SENP6: variants seen among roughly 807,000 people sequenced by gnomAD.
SENP6 encodes the protein sentrin-specific protease 6.
In SENP6, 41 loss-of-function variants were observed where a neutral mutation model predicts 134.5. The observed-to-expected ratio is 0.30, with a 90% confidence interval of 0.24 to 0.40. SENP6 has a LOEUF of 0.40. Ranked by LOEUF, SENP6 falls within the 10% of genes least tolerant of loss-of-function variation. The pLI, the probability that SENP6 is intolerant of heterozygous loss-of-function variation, is 1.00. For missense variants in SENP6, 1,248 were observed against 1,312.5 expected, an observed-to-expected ratio of 0.95 and a Z score of 0.76; for synonymous variants, 395 against 429.8, an observed-to-expected ratio of 0.92 and a Z score of 1.00.
rs568956266 is a variant in SENP6, at chr6:75,602,551, C to G, written c.27C>G (p.Ser9Arg). The G allele has an allele frequency of 3.2e-6, 5 of 1,551,486 alleles. No individual in the cohort carries two copies. The highest frequency in any genetic ancestry group is 1.2e-5 in the South Asian group (1 of 84,052). MAAGKSGG[S>R]AGEITFLEAL... The stretch of plus-strand genomic sequence containing the variant: ...TGGCGGCCGGCAAGAGCGGCGGTAG[C>G]GCAGGGGAGATTACTTTTCTGGAAG... The change falls in exon 1 of 24, where the codon AGC becomes AGG. Residue 9 changes from serine to arginine, a missense_variant. Physicochemically the swap from Ser to Arg is moderately radical, Grantham distance 110. Transcript: ENST00000447266.
At chr6:75,685,947 CCTT>C (rs912789836) in intron 16 of SENP6, among the ~76,000 whole-genome samples, 55 of 152,182 alleles carry the variant, frequency 3.6e-4, no homozygotes, top group Admixed American at 2.0e-3. Flanking sequence ...TCCTGGGTAT[CCTT>C]CTTCACTTTC....
chr6:75,615,170 G>A (rs1561966192), intron 1 of SENP6, among the ~76,000 whole-genome samples: 1 of 149,648 alleles, frequency 6.7e-6, no homozygotes, highest in Admixed American at 6.7e-5. Flanking sequence ...GGATTATCTC[G>A]CCTATCCTGC....
At chr6:75,634,987 A>T (rs1381281931) in intron 5 of SENP6, 176 bp downstream of exon 5, 1 of 671,968 alleles carries the variant, frequency 1.5e-6, no homozygotes, top group African/African-American at 1.8e-5. Context: ...TCTGCTTTTG[A>T]GTAATCAGAT....
At chr6:75,624,077 G>C in intron 3 of SENP6, 117 bp downstream of exon 3, 1 of 684,156 alleles carries the variant, frequency 1.5e-6, no homozygotes, top group African/African-American at 1.8e-5. Context: ...CCACTCCAGA[G>C]GCAAATGGTG....
At chr6:75,709,769 A>C in intron 20 of SENP6, 139 bp downstream of exon 20, 1 of 500,368 alleles carries the variant, frequency 2.0e-6, no homozygotes, top group Admixed American at 3.3e-5. Flanking sequence ...TAGGAGTTTG[A>C]GTTCAGCCTG....
intron 19 of SENP6, among the ~76,000 whole-genome samples, chr6:75,706,565 T>C (rs1442276518): frequency 6.6e-6 from 1 of 152,208 alleles, no homozygotes; most frequent in Non-Finnish European, 1.5e-5. Context: ...GCCTCAAAAA[T>C]CCTAATGGAG....
chr6:75,683,569 T>C (rs9352236), intron 16 of SENP6, among the ~76,000 whole-genome samples: 29,767 of 152,122 alleles, frequency 0.2, 3,364 homozygotes, highest in African/African-American at 0.31. Flanking sequence ...GAATTAGTTT[T>C]TGTATAAGGT....
At chr6:75,629,123 T>C (rs768360273) in intron 3 of SENP6, among the ~76,000 whole-genome samples, 2 of 152,212 alleles carry the variant, frequency 1.3e-5, no homozygotes, top group Non-Finnish European at 2.9e-5. Flanking sequence ...GTACTGGCCT[T>C]CCAGATTTTG....
chr6:75,626,315 T>C (rs886196317), intron 3 of SENP6, among the ~76,000 whole-genome samples: 3 of 151,798 alleles, frequency 2.0e-5, no homozygotes, highest in African/African-American at 7.3e-5. Context: ...GTGACTTGTT[T>C]TAAAAATTAT....
chr6:75,637,202 A>AG (rs1465122866), intron 5 of SENP6, among the ~76,000 whole-genome samples: 4 of 152,142 alleles, frequency 2.6e-5, no homozygotes, highest in Non-Finnish European at 5.9e-5. Context: ...TGAAATGAAA[A>AG]CAAAAGCCAT....
chr6:75,648,503 A>G (rs892943716), intron 7 of SENP6, among the ~76,000 whole-genome samples: 25 of 152,144 alleles, frequency 1.6e-4, no homozygotes, highest in African/African-American at 5.5e-4. Context: ...ATGTGCTTTT[A>G]AAAAACACCC....
chr6:75,670,619 G>A lies in SENP6; in HGVS notation c.1291G>A (p.Ala431Thr). ...RKVFSQEPPD[A>T]LALSCQSSFD... ...AGTGTTTTCTCAAGAACCTCCAGAT[G>A]CTTTAGCTTTAAGCTGCCAAAGTTC... is the stretch of plus-strand genomic sequence containing the variant. Residue 431 changes from alanine (A) to threonine (T), a missense_variant, in exon 11 of 24, where the codon GCT becomes ACT. Physicochemically the swap from Ala to Thr is moderately conservative, Grantham distance 58. Coordinates refer to ENST00000447266, the MANE Select transcript of SENP6 (RefSeq NM_015571.4). The A allele has an allele frequency of 6.2e-7, 1 of 1,613,482 alleles. No homozygotes were observed. Among genetic ancestry groups the A allele is most frequent in the Non-Finnish European group, 8.5e-7 (1 of 1,179,654 alleles).
At chr6:75,610,071 A>C (rs750808921) in intron 1 of SENP6, among the ~76,000 whole-genome samples, 40 of 152,308 alleles carry the variant, frequency 2.6e-4, no homozygotes, top group Non-Finnish European at 4.6e-4. Context: ...TAGAAGTGTG[A>C]GTCACCGCAC....
rs1322486989 is a variant in SENP6 at position 75,678,666 on chromosome 6, C to T, written c.1932C>T (p.His644=). 1.9e-6 allele frequency: 3 copies of T among 1,598,858 alleles called. No homozygotes were observed. The highest frequency in any genetic ancestry group is 1.7e-6 in the Non-Finnish European group (2 of 1,168,528). The change falls in exon 15 of 24, where the codon CAC becomes CAT. Residue 644 remains histidine (H), a synonymous_variant. Coordinates refer to ENST00000447266, the MANE Select transcript of SENP6 (RefSeq NM_015571.4). ...FDEEEETGEN[H]TIFIGPVEKL... ...AAGAAGAAGAAACTGGAGAAAACCA[C>T]ACCATCTTCATTGGCCCAGTAGAAA... is the stretch of plus-strand genomic sequence containing the variant.
chr6:75,636,275 G>A (rs771289045), intron 5 of SENP6, among the ~76,000 whole-genome samples: 2 of 152,052 alleles, frequency 1.3e-5, no homozygotes, highest in Non-Finnish European at 2.9e-5. Context: ...ATGATTAGGG[G>A]CAGCAAAGAA....
chr6:75,711,403 A>G lies in SENP6; in HGVS notation c.2896A>G (p.Thr966Ala), dbSNP rs200633509. The stretch of plus-strand genomic sequence containing the variant: ...AATAGGACAGTGGCATTTAAAGCCT[A>G]CTATCTGTAAACAGTAAGCATTAAC... The part of the protein sequence containing the change: ...SEIGQWHLKP[T>A]ICKQPCILLM... Residue 966 changes from threonine (T) to alanine (A), a missense_variant, in exon 21 of 24, where the codon ACT becomes GCT. This residue lies in a region of SENP6 where 386 missense variants were observed against 395.0 expected (regional missense o/e 0.98). Transcript: ENST00000447266. 34 of 1,609,392 alleles carry G rather than the reference A, an allele frequency of 2.1e-5. No individual in the cohort carries two copies. Among genetic ancestry groups the G allele is most frequent in the Non-Finnish European group, 2.7e-5 (32 of 1,176,362 alleles).
At chr6:75,622,300 G>A (rs1357435698) in intron 2 of SENP6, among the ~76,000 whole-genome samples, 1 of 152,186 alleles carries the variant, frequency 6.6e-6, no homozygotes, top group East Asian at 1.9e-4. Flanking sequence ...GCTCATGCCT[G>A]TAATCCCAAC....
intron 11 of SENP6, among the ~76,000 whole-genome samples, chr6:75,674,205 G>A (rs958135306): frequency 8.4e-5 from 12 of 143,306 alleles, no homozygotes; most frequent in African/African-American, 3.2e-4. Flanking sequence ...TGCTCAGGCT[G>A]GAGTTCAGTG....
intron 1 of SENP6, among the ~76,000 whole-genome samples, chr6:75,616,544 C>T (rs370179620): frequency 6.6e-5 from 10 of 151,910 alleles, no homozygotes; most frequent in South Asian, 2.1e-4. Flanking sequence ...GTCAGGGGTT[C>T]GAGACCAGCC....
Sources: allele counts gnomAD v4.1 joint callset (sites outside exome capture counted in the v4.1 genomes callset), GRCh38; gene constraint gnomAD v4.1.1; regional missense constraint gnomAD v4.1.1; transcripts MANE v1.5; gene names NCBI Gene and HGNC (gene_info 2026-07-23, HGNC 2026-07-21).